The following NGLY1 variants were observed in gnomAD, a reference collection of about 807,000 sequenced individuals.
NGLY1 encodes the protein peptide-N(4)-(N-acetyl-beta-glucosaminyl)asparagine amidase.
In NGLY1, 68 loss-of-function variants were observed where a neutral mutation model predicts 84.6. The ratio of observed to expected loss-of-function variants is 0.80; its 90% CI spans 0.66 to 0.98. The LOEUF (loss-of-function observed/expected upper bound fraction) is 0.98. NGLY1 is among the 50% of genes least tolerant of loss of function. The pLI, the probability that NGLY1 is intolerant of heterozygous loss-of-function variation, is 0.00. For synonymous variants in NGLY1, 280 were observed against 275.2 expected (o/e 1.02, Z -0.17); for missense variants, 779 against 770.2 (o/e 1.01, Z -0.14).
At chr3:25,756,158 T>G (rs1707022868) in intron 3 of NGLY1, among the ~76,000 whole-genome samples, 1 of 152,160 alleles carries the variant, frequency 6.6e-6, no homozygotes, top group Non-Finnish European at 1.5e-5. Context: ...TCTAAATCCA[T>G]TTTGAATGTT....
At chr3:25,765,174 T>C (rs939777825) in intron 2 of NGLY1, among the ~76,000 whole-genome samples, 5 of 152,306 alleles carry the variant, frequency 3.3e-5, no homozygotes, top group Admixed American at 6.5e-5. Context: ...AGATAAAAAG[T>C]TGCAGCTGGG....
chr3:25,722,195 T>G (rs929379977), intron 10 of NGLY1, among the ~76,000 whole-genome samples: 43 of 151,250 alleles, frequency 2.8e-4, no homozygotes, highest in Non-Finnish European at 7.4e-5. Context: ...CCAGCCCGGG[T>G]GACAGAGCGA....
rs1225170944 is a variant in NGLY1 at position 25,767,498 on chromosome 3, G to A, written c.247-3187C>T. 2.6e-5 allele frequency among the ~76,000 whole-genome samples: 4 copies of A among 152,120 alleles called. No homozygotes were observed. The East Asian group carries it at 7.7e-4, about 29-fold the overall frequency. On this transcript the variant is annotated intron_variant, in intron 2 of 11. Transcript: ENST00000280700. ...CATCTTCAACAGGTTGAAGAAAGAG[G>A]TGCAGGTGGAGGGGGCAGGTATGGC...
At chr3:25,758,750 G>A (rs1227765985) in intron 3 of NGLY1, among the ~76,000 whole-genome samples, 1 of 151,798 alleles carries the variant, frequency 6.6e-6, no homozygotes, top group South Asian at 2.1e-4. Flanking sequence ...TTACTGATAG[G>A]GCATATAATT....
rs147125250 is a variant in NGLY1 at position 25,781,630 on chromosome 3, G to A, written c.131+1630C>T. Among the ~76,000 whole-genome samples the A allele has an allele frequency of 2.9e-3, 441 of 152,298 alleles. 2 individuals are homozygous for A. The highest frequency in any genetic ancestry group is 3.4e-3 in the Non-Finnish European group (228 of 68,024). Reference sequence around the variant, plus strand: ...TTCAGAATCTTGAAGCTGTGAGGCGGAGGTTGCAGTGAGTCAAGATCGCGC... The same window carrying A: ...TTCAGAATCTTGAAGCTGTGAGGCGAAGGTTGCAGTGAGTCAAGATCGCGC... On this transcript the variant is annotated intron_variant, in intron 1 of 11. Transcript: ENST00000280700.
In NGLY1 at chr3:25,719,266, GAAGA is replaced by G. The variant is rs1290928326; in HGVS notation, c.*190_*193del. On this transcript the variant is annotated 3_prime_UTR_variant, in exon 12 of 12. Transcript: ENST00000280700. Reference sequence around the variant, plus strand: ...TTACTCCAAATTATAGTCACATATGGAAGAAAGGTTTTAATTCAATATTTTATTA... The same window carrying G: ...TTACTCCAAATTATAGTCACATATGGAAGGTTTTAATTCAATATTTTATTA... 1 of 435,636 alleles carries G rather than the reference GAAGA, an allele frequency of 2.3e-6. No homozygotes were observed. The highest frequency in any genetic ancestry group is 4.1e-6 in the Non-Finnish European group (1 of 243,394). The allele number at this position is 435,636 out of a possible 1,614,324, so 27.0% of individuals were successfully genotyped here.
Position 25,729,136 on chromosome 3 carries a change from G to T in NGLY1, c.1608C>A (p.His536Gln), listed in dbSNP as rs138108375. 1.5e-4 allele frequency: 227 copies of T among 1,491,402 alleles called. No homozygotes were observed. In the African/African-American group the frequency reaches 2.6e-3, roughly 17 times the overall value. 92.4% of individuals were successfully genotyped at this position (1,491,402 alleles called of 1,614,324 possible). A position where few individuals can be genotyped will look rare whatever the true frequency, so the allele number is the denominator to read the frequency against. Residue 536 changes from histidine (H) to glutamine (Q), a missense_variant, in exon 10 of 12, where the codon CAC becomes CAA. Transcript: ENST00000280700. ...SIFRKVETDW[H>Q]MVYLARKEGS... ...ATGGTTTTATGCATTAAGTTACCATGTGCCAGTCTGTTTCAACTTTTCTGA... is the reference window on the plus strand; with the variant it reads ...ATGGTTTTATGCATTAAGTTACCATTTGCCAGTCTGTTTCAACTTTTCTGA...
chr3:25,775,773 T>C (rs1200183000), intron 2 of NGLY1, among the ~76,000 whole-genome samples: 2 of 152,236 alleles, frequency 1.3e-5, no homozygotes, highest in Admixed American at 6.5e-5. Flanking sequence ...TAATTTCTCA[T>C]GTTCTATAGC....
chr3:25,752,086 C>T (rs1424325288), intron 3 of NGLY1, among the ~76,000 whole-genome samples: 7 of 152,142 alleles, frequency 4.6e-5, no homozygotes, highest in Admixed American at 6.5e-5. Context: ...GGGGGAGATG[C>T]ATGAGAATCA....
intron 2 of NGLY1, among the ~76,000 whole-genome samples, chr3:25,769,014 C>T (rs529033347): frequency 6.6e-6 from 1 of 152,162 alleles, no homozygotes; most frequent in African/African-American, 2.4e-5. Context: ...AAGAACCAGA[C>T]TATAAAAGGA....
Position 25,720,015 on chromosome 3 carries a change from G to A in NGLY1, c.1788C>T (p.Gly596=), listed in dbSNP as rs775894258. 6.2e-6 allele frequency: 10 copies of A among 1,607,030 alleles called. No individual in the cohort carries two copies. Among genetic ancestry groups the A allele is most frequent in the East Asian group, 4.5e-5 (2 of 44,752 alleles). The change falls in exon 11 of 12, where the codon GGC becomes GGT. Residue 596 remains glycine (G), a splice_region_variant and synonymous_variant. Transcript: ENST00000280700. ...RSDTAQVELT[G]DNSLHSYADF... is the part of the protein sequence containing the mutation. ...TTAATTCTCCAGGCAAATGCTTACC[G>A]CCTGTCAGTTCTACTTGTGCTGTAT...
At position 25,736,150 on chromosome 3, in the gene NGLY1, C is replaced by A; in HGVS notation, c.1004-1G>T. The A allele has an allele frequency of 6.2e-7, 1 of 1,611,318 alleles. No individual in the cohort carries two copies. Among genetic ancestry groups the A allele is most frequent in the Non-Finnish European group, 8.5e-7 (1 of 1,179,062 alleles). Reference sequence around the variant, plus strand: ...GAATAGACTTCTGTCCAGACATGGTCTACTCAAGTAAGAGAAAAGAGAGCA... The same window carrying A: ...GAATAGACTTCTGTCCAGACATGGTATACTCAAGTAAGAGAAAAGAGAGCA... On this transcript the variant is annotated splice_acceptor_variant, in intron 6 of 11. Transcript: ENST00000280700. LOFTEE classifies it high-confidence loss of function.
At chr3:25,742,214 A>G (rs1431787264) in intron 4 of NGLY1, among the ~76,000 whole-genome samples, 2 of 152,200 alleles carry the variant, frequency 1.3e-5, no homozygotes, top group South Asian at 2.1e-4. Context: ...ACATTTCAGT[A>G]TCTATCCAAG....
chr3:25,767,109 T>C (rs1014099463), intron 2 of NGLY1, among the ~76,000 whole-genome samples: 1 of 151,848 alleles, frequency 6.6e-6, no homozygotes, highest in African/African-American at 2.4e-5. Context: ...CTGACCAACA[T>C]GGTGAAACCC....
chr3:25,741,364 G>A (rs753072894), intron 4 of NGLY1, among the ~76,000 whole-genome samples: 16 of 152,106 alleles, frequency 1.1e-4, no homozygotes, highest in Non-Finnish European at 2.1e-4. Context: ...CAAATGCACA[G>A]TATTTAATAA....
At chr3:25,738,345 G>C (rs1486320813) in intron 5 of NGLY1, among the ~76,000 whole-genome samples, 1 of 151,732 alleles carries the variant, frequency 6.6e-6, no homozygotes, top group Non-Finnish European at 1.5e-5. Flanking sequence ...TTGTTTTTTG[G>C]GATCTATTTG....
At chr3:25,730,364 G>C (rs186328882) in intron 9 of NGLY1, 1 of 151,724 alleles carries the variant, frequency 6.6e-6, no homozygotes, top group African/African-American at 2.4e-5. Context: ...TTAAATCCAT[G>C]GCCCTAAAAT....
chr3:25,730,305 T>C (rs1056089549), intron 9 of NGLY1: 6 of 152,248 alleles, frequency 3.9e-5, no homozygotes, highest in African/African-American at 1.2e-4. Context: ...TGTTTTTCTA[T>C]TTACTTTTAA....
Position 25,783,420 on chromosome 3 carries a change from C to T in NGLY1, c.-30G>A, listed in dbSNP as rs774344427. On this transcript the variant is annotated 5_prime_UTR_variant, in exon 1 of 12. Coordinates refer to ENST00000280700, the MANE Select transcript of NGLY1 (RefSeq NM_018297.4). The surrounding 1 kb of genome is among the most constrained non-coding windows in gnomAD (Gnocchi z 4.5). Reference sequence around the variant, plus strand: ...GAGCGCCAGCGGGCGCCGCCGCCGCCCCTCGCTCTCCGCGTCCCACACTGA... The same window carrying T: ...GAGCGCCAGCGGGCGCCGCCGCCGCTCCTCGCTCTCCGCGTCCCACACTGA... 2.0e-6 allele frequency: 3 copies of T among 1,517,620 alleles called. No homozygotes were observed. Among genetic ancestry groups the T allele is most frequent in the South Asian group, 2.4e-5 (2 of 82,318 alleles). 94.0% of individuals were successfully genotyped at this position (1,517,620 alleles called of 1,614,324 possible). A position where few individuals can be genotyped will look rare whatever the true frequency, so the allele number is the denominator to read the frequency against.
Sources: allele counts gnomAD v4.1 joint callset (sites outside exome capture counted in the v4.1 genomes callset), GRCh38; gene constraint gnomAD v4.1.1; non-coding constraint Gnocchi (gnomAD v3.1); transcripts MANE v1.5; gene names NCBI Gene and HGNC (gene_info 2026-07-23, HGNC 2026-07-21).